Variants in KIF7 observed in about 807,000 individuals in gnomAD.
KIF7 encodes kinesin family member 7, also known as kinesin-like protein KIF7.
KIF7 carries 104 observed loss-of-function variants against 135.7 expected under a neutral mutation model. The ratio of observed to expected loss-of-function variants is 0.77; its 90% CI spans 0.65 to 0.90. The LOEUF is 0.90. Among genes scored for constraint, KIF7 ranks in the 40% least tolerant of loss-of-function variants. The pLI, the probability that KIF7 is intolerant of heterozygous loss-of-function variation, is 0.00. For synonymous variants in KIF7, 883 were observed against 809.4 expected (o/e 1.09, Z -1.54); for missense variants, 2,005 against 1,839.1 (o/e 1.09, Z -1.65).
intron 1 of KIF7, chr15:89,619,768 C>T (rs777288885): frequency 6.2e-7 from 1 of 1,613,904 alleles, no homozygotes; most frequent in South Asian, 1.1e-5. Context: ...ACACATTCTG[C>T]CTCCTTCTAT....
chr15:89,621,339 G>A (rs1198101758), intron 1 of KIF7: 42 of 1,553,800 alleles, frequency 2.7e-5, no homozygotes, highest in Non-Finnish European at 3.5e-5. Context: ...TAATAGTATT[G>A]GAAGAACAGG....
intron 1 of KIF7, among the ~76,000 whole-genome samples, chr15:89,620,462 C>G (rs1026898240): frequency 6.6e-6 from 1 of 152,254 alleles, no homozygotes; most frequent in Non-Finnish European, 1.5e-5. Context: ...TCTGCCTCGG[C>G]CTCCCAAAGT....
rs1449978978 is a variant in KIF7 at position 89,629,013 on chromosome 15, C to T, written c.3627G>A (p.Gln1209=). The change falls in exon 18 of 19, where the codon CAG becomes CAA. Residue 1209 remains glutamine (Q), a synonymous_variant. Transcript: ENST00000394412. ...RYMWINQELK[Q]KLGGVNAVGH... ...CTACAGCGTTCACACCGCCGAGCTT[C>T]TGTTTCAGTTCCTGGTTTATCCACA... 6.2e-7 allele frequency: 1 copy of T among 1,613,838 alleles called. No individual in the cohort carries two copies. Among genetic ancestry groups the T allele is most frequent in the East Asian group, 2.2e-5 (1 of 44,816 alleles).
At chr15:89,646,143 C>CA (rs1380141259) in intron 7 of KIF7, 117 bp from the exon 8 acceptor site, 10 of 1,289,744 alleles carry the variant, frequency 7.8e-6, no homozygotes, top group Non-Finnish European at 1.0e-5. Flanking sequence ...TGATCCAGCT[C>CA]AAATGACCCC....
At position 89,648,986 on chromosome 15, in the gene KIF7, G is replaced by C. The variant is rs747038002; in HGVS notation, c.911C>G (p.Ser304Cys). 2.5e-5 allele frequency: 39 copies of C among 1,538,834 alleles called. No individual in the cohort carries two copies. In the East Asian group the frequency reaches 9.3e-4, roughly 37 times the overall value. Reference protein sequence around the residue: ...RRGSHIPYRDSKITRILKDSL... With the variant: ...RRGSHIPYRDCKITRILKDSL... ...GGGGGCAGCTCACCGGGTGATCTTG[G>C]AGTCGCGGTAGGGTATGTGGCTGCC... The change falls in exon 4 of 19, where the codon TCC becomes TGC. Residue 304 changes from serine (S) to cysteine (C), a missense_variant. Physicochemically the swap from Ser to Cys is moderately radical, Grantham distance 112 (BLOSUM62 -1). Transcript: ENST00000394412.
chr15:89,642,394 G>C lies in KIF7; in HGVS notation c.2203C>G (p.Gln735Glu). The change falls in exon 11 of 19, where the codon CAG (glutamine) becomes GAG (glutamate). Residue 735 changes from glutamine (Q) to glutamate (E), a missense_variant. Coordinates refer to ENST00000394412, the MANE Select transcript of KIF7 (RefSeq NM_198525.3). ...GELVRTGKAAQALNRQHSQRI... is the reference protein window; with the variant it reads ...GELVRTGKAAEALNRQHSQRI... ...TGGCTGTGCTGGCGGTTCAGGGCCT[G>C]AGCTGCCTTTCCTGGAAGAAAGCGG... is the stretch of plus-strand genomic sequence containing the variant. The C allele has an allele frequency of 6.2e-7, 1 of 1,601,052 alleles. No homozygotes were observed. The highest frequency in any genetic ancestry group is 8.5e-7 in the Non-Finnish European group (1 of 1,174,634).
At chr15:89,631,214 C>T (rs1232437427) in intron 15 of KIF7, among the ~76,000 whole-genome samples, 2 of 152,230 alleles carry the variant, frequency 1.3e-5, no homozygotes, top group African/African-American at 4.8e-5. Context: ...GACGTGTGGG[C>T]AGGTACTCGA....
rs1163276450 is a variant in KIF7 at position 89,631,927 on chromosome 15, C to T, written c.2896-217G>A. On this transcript the variant is annotated intron_variant, in intron 14 of 18. Transcript: ENST00000394412. ...TTTGCAGAGGGGCACTCAGAGATGG[C>T]GAGAGGAGGATAAGGACCAGAGGGA... 8.3e-4 allele frequency among the ~76,000 whole-genome samples: 127 copies of T among 152,098 alleles called. 1 individual carries two copies. The highest frequency in any genetic ancestry group is 2.9e-5 in the Non-Finnish European group (2 of 68,022).
At chr15:89,639,716 T>C (rs1158367128) in intron 11 of KIF7, among the ~76,000 whole-genome samples, 5 of 146,378 alleles carry the variant, frequency 3.4e-5, no homozygotes, top group Admixed American at 6.8e-5. Flanking sequence ...AGTTCAACCA[T>C]TGTGGAAGTC....
chr15:89,648,580 C>G lies in KIF7; in HGVS notation c.1118G>C (p.Arg373Pro), dbSNP rs1292098815. The change falls in exon 5 of 19, where the codon CGG becomes CCG. Residue 373 changes from arginine (R) to proline (P), a missense_variant. Transcript: ENST00000394412. ...RPPEETASGARGPPRHRSETR... is the reference protein window; with the variant it reads ...RPPEETASGAPGPPRHRSETR... ...CTCGGAGCGGTGCCGTGGCGGACCC[C>G]GCGCGCCGCTCGCCGTCTCTTCGGG... is the stretch of plus-strand genomic sequence containing the variant. 1.3e-6 allele frequency: 2 copies of G among 1,511,522 alleles called. No homozygotes were observed. Among genetic ancestry groups the G allele is most frequent in the Non-Finnish European group, 1.8e-6 (2 of 1,132,218 alleles). 93.6% of individuals were successfully genotyped at this position (1,511,522 alleles called of 1,614,324 possible).
In KIF7 at chr15:89,619,798, C is replaced by T. The variant is rs759880434; in HGVS notation, c.181-1603G>A. 1.3e-5 allele frequency: 21 copies of T among 1,613,914 alleles called. No individual in the cohort carries two copies. The South Asian group carries it at 1.8e-4, about 14-fold the overall frequency. The stretch of plus-strand genomic sequence containing the variant: ...TTCTATTCTGTGTCTCAGCCGAAGT[C>T]TCGAAGTGTGCAAAGAGTCCACTCT... On this transcript the variant is annotated intron_variant and NMD_transcript_variant, in intron 1 of 2. Coordinates refer to the KIF7 transcript ENST00000558928.
intron 16 of KIF7, 132 bp downstream of exon 16, chr15:89,630,155 G>A: frequency 2.5e-6 from 2 of 813,648 alleles, no homozygotes; most frequent in South Asian, 1.6e-5. Flanking sequence ...AGGCGGCCCT[G>A]CAGATGAGTT....
chr15:89,619,597 AT>A (rs1350341235), intron 1 of KIF7: 1 of 1,179,002 alleles, frequency 8.5e-7, no homozygotes, highest in Non-Finnish European at 1.2e-6. Context: ...AGCTTGCTGA[AT>A]TTCCATCTTA....
In KIF7 at chr15:89,649,804, G is replaced by C. The variant is rs1365593121; in HGVS notation, c.466C>G (p.Leu156Val). 3 of 1,551,810 alleles carry C rather than the reference G, an allele frequency of 1.9e-6. No homozygotes were observed. The Admixed American group carries it at 5.9e-5, about 30-fold the overall frequency. ...CGGCTGGCAGTGCCCACCTCGAGCAGGTCTCGGAACTCCTCCTTGTACACT... is the reference window on the plus strand; with the variant it reads ...CGGCTGGCAGTGCCCACCTCGAGCACGTCTCGGAACTCCTCCTTGTACACT... ...LEVYKEEFRDLLEVGTASRDI... is the reference protein window; with the variant it reads ...LEVYKEEFRDVLEVGTASRDI... Residue 156 changes from leucine to valine, a missense_variant, in exon 3 of 19, where the codon CTG becomes GTG. Coordinates refer to ENST00000394412, the MANE Select transcript of KIF7 (RefSeq NM_198525.3).
chr15:89,643,843 C>T (rs1020757417), intron 10 of KIF7, among the ~76,000 whole-genome samples: 2 of 144,924 alleles, frequency 1.4e-5, no homozygotes, highest in Non-Finnish European at 3.0e-5. Context: ...CAACATCGTG[C>T]CACTGCACTC....
chr15:89,641,704 G>C (rs561910768), intron 11 of KIF7, among the ~76,000 whole-genome samples: 1 of 152,308 alleles, frequency 6.6e-6, no homozygotes, highest in African/African-American at 2.4e-5. Context: ...AGGAGGCTGA[G>C]ACAGGAGAAT....
chr15:89,624,943 G>A (rs1468473585), downstream of KIF7: 2 of 1,614,106 alleles, frequency 1.2e-6, no homozygotes, highest in South Asian at 2.2e-5. Flanking sequence ...CAACCTGCCA[G>A]CATCAGCTTG....
intron 10 of KIF7, among the ~76,000 whole-genome samples, chr15:89,644,636 G>A (rs1289594622): frequency 6.6e-6 from 1 of 152,050 alleles, no homozygotes; most frequent in Non-Finnish European, 1.5e-5. Flanking sequence ...AGTGAGCCAA[G>A]ATCACGCCAC....
downstream of KIF7, chr15:89,627,437 C>T (rs889546954): frequency 1.9e-5 from 5 of 257,534 alleles, no homozygotes; most frequent in Non-Finnish European, 3.7e-5. Flanking sequence ...GAGAAAGGCG[C>T]CCTCCCTGGG....
Sources: allele counts gnomAD v4.1 joint callset (sites outside exome capture counted in the v4.1 genomes callset), GRCh38; gene constraint gnomAD v4.1.1; transcripts MANE v1.5; gene names NCBI Gene and HGNC (gene_info 2026-07-23, HGNC 2026-07-21).